MELK: variants seen among roughly 807,000 people sequenced by gnomAD.
MELK encodes maternal embryonic leucine zipper kinase.
A neutral mutation model predicts 85.0 loss-of-function variants in MELK; 81 were observed. The ratio of observed to expected loss-of-function variants is 0.95; its 90% CI spans 0.80 to 1.15. The LOEUF (loss-of-function observed/expected upper bound fraction) is 1.15, where lower values mean the gene tolerates loss of function less well. Among genes scored for constraint, MELK ranks in the 50% most tolerant of loss-of-function variants. The probability of loss-of-function intolerance (pLI) is 0.00; values close to 1 mark genes in which losing one functional copy is unlikely to be tolerated. For missense variants in MELK, 754 were observed against 777.5 expected, an observed-to-expected ratio of 0.97 and a Z score of 0.36; for synonymous variants, 252 against 265.0, an observed-to-expected ratio of 0.95 and a Z score of 0.48.
chr9:36,604,572 C>T (rs1026701700), intron 7 of MELK, among the ~76,000 whole-genome samples: 13 of 151,580 alleles, frequency 8.6e-5, no homozygotes, highest in Admixed American at 3.3e-4. Context: ...AGGCTGGTCT[C>T]GAACTCCTGA....
Position 36,581,719 on chromosome 9 carries a change from TAC to T in MELK, c.40_41del (p.His14Ter). On this transcript the variant is annotated frameshift_variant, in exon 2 of 18. Transcript: ENST00000298048. LOFTEE classifies it high-confidence loss of function. ...GATGAACTTCTCAAATATTATGAAT[TAC>T]ATGAAACTATTGGGACAGGTAATTG... The T allele has an allele frequency of 6.3e-7, 1 of 1,596,888 alleles. No homozygotes were observed. The highest frequency in any genetic ancestry group is 8.6e-7 in the Non-Finnish European group (1 of 1,165,460).
intron 8 of MELK, among the ~76,000 whole-genome samples, chr9:36,612,474 C>T (rs1436711013): frequency 6.6e-6 from 1 of 152,106 alleles, no homozygotes; most frequent in Non-Finnish European, 1.5e-5. Flanking sequence ...CAAGCTCTGC[C>T]TCCTGGGTTC....
intron 11 of MELK, among the ~76,000 whole-genome samples, chr9:36,644,997 G>C (rs757152981): frequency 6.6e-6 from 1 of 152,046 alleles, no homozygotes; most frequent in African/African-American, 2.4e-5. Flanking sequence ...AGCCGGGCGC[G>C]GTGGCTCATG....
At chr9:36,615,945 G>A (rs1457205522) in intron 8 of MELK, among the ~76,000 whole-genome samples, 1 of 152,020 alleles carries the variant, frequency 6.6e-6, no homozygotes, top group African/African-American at 2.4e-5. Flanking sequence ...TCACTTCCCA[G>A]ACGGGGTGGC....
At chr9:36,640,332 A>C (rs950693884) in intron 10 of MELK, among the ~76,000 whole-genome samples, 1 of 152,182 alleles carries the variant, frequency 6.6e-6, no homozygotes, top group Non-Finnish European at 1.5e-5. Flanking sequence ...TTGGTGTTTG[A>C]TGAGGGCCCA....
chr9:36,661,173 G>T (rs1194403333), intron 13 of MELK, among the ~76,000 whole-genome samples: 1 of 152,148 alleles, frequency 6.6e-6, no homozygotes, highest in Non-Finnish European at 1.5e-5. Flanking sequence ...TGGGCTGTGG[G>T]TTTCTAAGAC....
At chr9:36,609,529 C>T (rs2135899682) in intron 8 of MELK, among the ~76,000 whole-genome samples, 1 of 151,010 alleles carries the variant, frequency 6.6e-6, no homozygotes, top group African/African-American at 2.4e-5. Flanking sequence ...CTCACTGTAG[C>T]CTTGACCCTC....
chr9:36,578,375 C>T (rs1321614930), intron 1 of MELK, among the ~76,000 whole-genome samples: 1 of 152,080 alleles, frequency 6.6e-6, no homozygotes, highest in East Asian at 1.9e-4. Flanking sequence ...GATCTTTGCA[C>T]CTAAATTCCC....
intron 11 of MELK, among the ~76,000 whole-genome samples, chr9:36,643,367 G>A (rs1829935939): frequency 6.6e-6 from 1 of 151,584 alleles, no homozygotes. Flanking sequence ...TGGGCAACAA[G>A]AGCTAAACTC....
intron 10 of MELK, among the ~76,000 whole-genome samples, chr9:36,642,359 C>G (rs888315110): frequency 6.6e-6 from 1 of 150,902 alleles, no homozygotes; most frequent in African/African-American, 2.4e-5. Context: ...GATGAAAATA[C>G]CAATGCAGGT....
chr9:36,633,033 C>T (rs1828795132), intron 9 of MELK, 69 bp from the exon 10 acceptor site: 3 of 1,113,536 alleles, frequency 2.7e-6, no homozygotes, highest in African/African-American at 3.1e-5. Context: ...TTTTAGTTTT[C>T]AGGAGGAAAG....
rs1474209757 is a variant in MELK, at chr9:36,645,048, C to A, written c.921+1965C>A. Among the ~76,000 whole-genome samples, 8 of 151,868 alleles carry A rather than the reference C, an allele frequency of 5.3e-5. No homozygotes were observed. In the South Asian group the frequency reaches 1.7e-3, roughly 32 times the overall value. On this transcript the variant is annotated intron_variant, in intron 11 of 17. Coordinates refer to ENST00000298048, the MANE Select transcript of MELK (RefSeq NM_014791.4). ...CTTTGGGAGTCCGAGGCGGGCGGAT[C>A]ATGAGGTCAGGAGATTGAGGCCAAC...
chr9:36,641,723 T>C (rs1456927574), intron 10 of MELK, among the ~76,000 whole-genome samples: 4 of 150,358 alleles, frequency 2.7e-5, no homozygotes, highest in African/African-American at 7.3e-5. Context: ...TTCTCCTGCC[T>C]CAGCCTCCTG....
chr9:36,626,693 C>T (rs1047595297), intron 8 of MELK, among the ~76,000 whole-genome samples: 6 of 152,064 alleles, frequency 3.9e-5, no homozygotes, highest in Admixed American at 1.3e-4. Flanking sequence ...CATGGTGGCT[C>T]ACGGCTGTAA....
At chr9:36,649,555 G>C (rs1284242721) in intron 11 of MELK, among the ~76,000 whole-genome samples, 1 of 152,014 alleles carries the variant, frequency 6.6e-6, no homozygotes, top group Non-Finnish European at 1.5e-5. Context: ...GATCATTTGA[G>C]ACCAGGAGTT....
rs1033851623 is a variant in MELK at position 36,594,613 on chromosome 9, C to A, written c.262-15C>A. On this transcript the variant is annotated splice_polypyrimidine_tract_variant and intron_variant, in intron 4 of 17. Coordinates refer to ENST00000298048, the MANE Select transcript of MELK (RefSeq NM_014791.4). ...TTAAGTTGTAACAATATCTGTGATT[C>A]CATTGCTGTTGAAGTACTGCCCTGG... The A allele has an allele frequency of 1.9e-6, 3 of 1,606,312 alleles. No homozygotes were observed. The highest frequency in any genetic ancestry group is 2.7e-5 in the African/African-American group (2 of 74,552).
chr9:36,574,615 A>C (rs1564110223), intron 1 of MELK, among the ~76,000 whole-genome samples: 1 of 152,046 alleles, frequency 6.6e-6, no homozygotes, highest in Non-Finnish European at 1.5e-5. Flanking sequence ...GCAAATAAAC[A>C]GACAAAACCC....
chr9:36,656,610 A>G (rs1165567432), intron 12 of MELK, among the ~76,000 whole-genome samples: 3 of 150,128 alleles, frequency 2.0e-5, no homozygotes, highest in Non-Finnish European at 4.4e-5. Context: ...CCATGTTTTT[A>G]CTCTACCTTT....
chr9:36,652,474 G>C (rs1830808047), intron 12 of MELK, among the ~76,000 whole-genome samples: 2 of 150,396 alleles, frequency 1.3e-5, no homozygotes, highest in Admixed American at 1.3e-4. Context: ...GCTCACACCT[G>C]TAATCCCAGC....
Sources: gnomAD v4.1 joint callset for allele counts (sites outside exome capture counted in the v4.1 genomes callset) on GRCh38, gnomAD v4.1.1 for gene constraint, MANE v1.5 for transcripts, NCBI Gene and HGNC (gene_info 2026-07-23, HGNC 2026-07-21) for gene names.